The following RIMS2 variants were observed in gnomAD, a reference collection of about 807,000 sequenced individuals.
RIMS2 encodes regulating synaptic membrane exocytosis 2.
In RIMS2, 59 loss-of-function variants were observed where a neutral mutation model predicts 174.4. The observed-to-expected ratio is 0.34, with a 90% CI of 0.27 to 0.42. The LOEUF is 0.42. RIMS2 is among the 10% of genes least tolerant of loss of function. The pLI, the probability that RIMS2 is intolerant of heterozygous loss-of-function variation, is 1.00. For synonymous variants in RIMS2, 606 were observed against 572.5 expected, an observed-to-expected ratio of 1.06 and a Z score of -0.84; for missense variants, 1,620 against 1,666.3, an observed-to-expected ratio of 0.97 and a Z score of 0.48.
intron 10 of RIMS2, among the ~76,000 whole-genome samples, chr8:103,926,131 C>A (rs551517029): frequency 1.3e-5 from 2 of 151,456 alleles, no homozygotes; most frequent in African/African-American, 4.8e-5. Context: ...TAAAGTGAAT[C>A]TTTTATTTTA....
chr8:104,068,403 GA>G (rs2097139920), intron 19 of RIMS2, 108 bp from the exon 23 acceptor site: 2 of 541,962 alleles, frequency 3.7e-6, no homozygotes, highest in Non-Finnish European at 6.5e-6. Context: ...ATGCTACATT[GA>G]GTGAAAGTAA....
At chr8:104,102,262 C>T (rs1215436621) in intron 19 of RIMS2, among the ~76,000 whole-genome samples, 5 of 152,040 alleles carry the variant, frequency 3.3e-5, no homozygotes, top group African/African-American at 4.8e-5. Flanking sequence ...ATAACTTACT[C>T]CTCCTTCTAT....
intron 2 of RIMS2, among the ~76,000 whole-genome samples, chr8:103,752,885 G>A (rs765606007): frequency 1.2e-4 from 18 of 152,226 alleles, no homozygotes; most frequent in Non-Finnish European, 1.6e-4. Flanking sequence ...TGCAAACAGG[G>A]ACAATTTGAC....
intron 1 of RIMS2, among the ~76,000 whole-genome samples, chr8:103,537,165 G>A (rs1210267811): frequency 6.6e-6 from 1 of 152,092 alleles, no homozygotes; most frequent in African/African-American, 2.4e-5. Context: ...GTTTAAATAA[G>A]AAAATACATT....
At chr8:104,169,818 T>G (rs1420860689) in intron 19 of RIMS2, among the ~76,000 whole-genome samples, 3 of 152,094 alleles carry the variant, frequency 2.0e-5, no homozygotes, top group African/African-American at 7.2e-5. Flanking sequence ...TTTAACACAA[T>G]GAACTTTCCT....
chr8:103,785,527 T>A (rs2154435727), intron 3 of RIMS2, among the ~76,000 whole-genome samples: 1 of 152,304 alleles, frequency 6.6e-6, no homozygotes, highest in East Asian at 1.9e-4. Context: ...ATTGAGATAA[T>A]GATGTGGTTT....
At chr8:103,540,277 C>A (rs1841917196) in intron 1 of RIMS2, among the ~76,000 whole-genome samples, 3 of 152,310 alleles carry the variant, frequency 2.0e-5, no homozygotes, top group Middle Eastern at 6.8e-3. Flanking sequence ...GTCACAACTT[C>A]CTCGGTGGGA....
intron 19 of RIMS2, among the ~76,000 whole-genome samples, chr8:104,150,624 C>T (rs1429935172): frequency 2.0e-5 from 3 of 151,876 alleles, no homozygotes; most frequent in Admixed American, 6.6e-5. Context: ...AGATAGAAAC[C>T]GTAAGAAACA....
intron 16 of RIMS2, among the ~76,000 whole-genome samples, chr8:103,986,734 G>A (rs1021427401): frequency 9.2e-5 from 14 of 151,988 alleles, no homozygotes; most frequent in African/African-American, 2.2e-4. Flanking sequence ...TTAACCAGGC[G>A]TGGTGAAAGG....
intron 19 of RIMS2, among the ~76,000 whole-genome samples, chr8:104,164,853 C>G (rs1469373128): frequency 6.6e-6 from 1 of 152,038 alleles, no homozygotes; most frequent in African/African-American, 2.4e-5. Context: ...CTAATGGGTA[C>G]TAGGCTTAAT....
chr8:103,712,367 T>C (rs1009601389), intron 2 of RIMS2, among the ~76,000 whole-genome samples: 3 of 151,994 alleles, frequency 2.0e-5, no homozygotes, highest in Non-Finnish European at 4.4e-5. Context: ...TAGAGATTTA[T>C]TTTAGATTAG....
At chr8:104,045,074 G>T (rs1420631810) in intron 19 of RIMS2, among the ~76,000 whole-genome samples, 1 of 151,728 alleles carries the variant, frequency 6.6e-6, no homozygotes, top group Non-Finnish European at 1.5e-5. Flanking sequence ...ATCTTTATTA[G>T]CCTGTCACTC....
intron 1 of RIMS2, among the ~76,000 whole-genome samples, chr8:103,519,686 G>A (rs542557435): frequency 6.8e-6 from 1 of 148,000 alleles, no homozygotes; most frequent in African/African-American, 2.5e-5. Context: ...TCTGGCTTGG[G>A]TTCTGATCTC....
chr8:103,724,319 A>G (rs975729679), intron 2 of RIMS2, among the ~76,000 whole-genome samples: 3 of 151,278 alleles, frequency 2.0e-5, no homozygotes, highest in African/African-American at 4.9e-5. Flanking sequence ...TCCTGACATC[A>G]CTCTCTGCAT....
At position 103,715,511 on chromosome 8, in the gene RIMS2, A is replaced by C. The variant is rs150304485; in HGVS notation, c.387+18215A>C. On this transcript the variant is annotated intron_variant, in intron 2 of 23. Coordinates refer to ENST00000504942, the Ensembl canonical transcript of RIMS2. Reference sequence around the variant, plus strand: ...TTCAAAGAAACAGTGATATCTCAAAACACATGATTTTGGTTTTAATTATTG... The same window carrying C: ...TTCAAAGAAACAGTGATATCTCAAACCACATGATTTTGGTTTTAATTATTG... Among the ~76,000 whole-genome samples, 645 of 152,264 alleles carry C rather than the reference A, an allele frequency of 4.2e-3. 4 individuals carry two copies. The highest frequency in any genetic ancestry group is 0.015 in the African/African-American group (614 of 41,558).
chr8:104,122,554 G>A (rs1398791411), intron 19 of RIMS2, among the ~76,000 whole-genome samples: 2 of 152,238 alleles, frequency 1.3e-5, no homozygotes, highest in African/African-American at 2.4e-5. Flanking sequence ...AGTTTGGGAT[G>A]TCAATAGGGT....
At chr8:103,780,024 C>T (rs926045461) in intron 3 of RIMS2, among the ~76,000 whole-genome samples, 2 of 152,040 alleles carry the variant, frequency 1.3e-5, no homozygotes, top group African/African-American at 4.8e-5. Flanking sequence ...GATTTGGTTA[C>T]CATAGCTTTG....
intron 3 of RIMS2, among the ~76,000 whole-genome samples, chr8:103,857,355 A>C (rs1392352246): frequency 6.6e-6 from 1 of 152,180 alleles, no homozygotes; most frequent in Non-Finnish European, 1.5e-5. Flanking sequence ...GCATATTGTA[A>C]TGCTCACTTG....
chr8:103,998,672 G>A (rs1248712585), intron 17 of RIMS2, among the ~76,000 whole-genome samples: 1 of 151,718 alleles, frequency 6.6e-6, no homozygotes. Flanking sequence ...ATCTGTCCTT[G>A]AAGTGCTTAG....
Sources: gnomAD v4.1 joint callset for allele counts (sites outside exome capture counted in the v4.1 genomes callset) on GRCh38, gnomAD v4.1.1 for gene constraint, MANE v1.5 for transcripts, NCBI Gene and HGNC (gene_info 2026-07-23, HGNC 2026-07-21) for gene names.